The following NRXN1 variants were observed in gnomAD, a reference collection of about 807,000 sequenced individuals.
The protein encoded by NRXN1 is neurexin 1.
NRXN1 carries 39 observed loss-of-function variants against 150.9 expected under a neutral mutation model. The observed-to-expected ratio is 0.26, with a 90% CI of 0.20 to 0.34. NRXN1 has a LOEUF of 0.34. Ranked by LOEUF, NRXN1 falls within the 10% of genes least tolerant of loss-of-function variation. NRXN1 has a pLI of 1.00. For synonymous variants in NRXN1, 924 were observed against 757.0 expected, an observed-to-expected ratio of 1.22 and a Z score of -3.62; for missense variants, 1,815 against 1,949.9, an observed-to-expected ratio of 0.93 and a Z score of 1.30.
Position 50,591,381 on chromosome 2 carries a change from CAGATAGATAGATAGATAGAT to C in NRXN1, c.1320+28621_1320+28640del, listed in dbSNP as rs59774040. On this transcript the variant is annotated intron_variant, in intron 8 of 22. Transcript: ENST00000401669. Reference sequence around the variant, plus strand: ...GAAAATTCTACCATACACTATATATCAGATAGATAGATAGATAGATAGATAGATAGATAGATAGATAGATA... The same window carrying C: ...GAAAATTCTACCATACACTATATATCAGATAGATAGATAGATAGATAGATA... 4.2e-4 allele frequency among the ~76,000 whole-genome samples: 56 copies of C among 134,826 alleles called. No individual in the cohort carries two copies. The South Asian group carries it at 5.6e-3, about 14-fold the overall frequency. 88.5% of individuals were successfully genotyped at this position (134,826 alleles called of 152,430 possible). A position where few individuals can be genotyped will look rare whatever the true frequency, so the allele number is the denominator to read the frequency against.
At chr2:50,142,605 T>TA (rs1268600585) in intron 18 of NRXN1, among the ~76,000 whole-genome samples, 1 of 151,728 alleles carries the variant, frequency 6.6e-6, no homozygotes, top group African/African-American at 2.4e-5. Context: ...GTATATCAAT[T>TA]AAAAAAATCA....
chr2:50,090,595 T>C (rs977155330), intron 19 of NRXN1, among the ~76,000 whole-genome samples: 27 of 152,272 alleles, frequency 1.8e-4, no homozygotes, highest in African/African-American at 6.0e-4. Context: ...ACAAGTAACA[T>C]TGTTTAAAAT....
intron 17 of NRXN1, among the ~76,000 whole-genome samples, chr2:50,284,422 A>G (rs1011768414): frequency 1.3e-5 from 2 of 152,168 alleles, no homozygotes; most frequent in African/African-American, 4.8e-5. Flanking sequence ...ATTATGTGAC[A>G]TCACAGCATC....
At chr2:50,039,486 G>C (rs1690595623) in intron 21 of NRXN1, among the ~76,000 whole-genome samples, 1 of 152,100 alleles carries the variant, frequency 6.6e-6, no homozygotes, top group African/African-American at 2.4e-5. Flanking sequence ...AAATAAATAA[G>C]CAAAGAAACT....
intron 17 of NRXN1, among the ~76,000 whole-genome samples, chr2:50,251,477 G>C (rs1441334980): frequency 6.6e-6 from 1 of 152,036 alleles, no homozygotes; most frequent in African/African-American, 2.4e-5. Flanking sequence ...TGTGAATAGT[G>C]CTGCAATTAA....
intron 5 of NRXN1, among the ~76,000 whole-genome samples, chr2:50,719,472 C>T (rs754430897): frequency 2.6e-5 from 4 of 152,042 alleles, no homozygotes; most frequent in Admixed American, 1.3e-4. Context: ...GTCAGGAGTT[C>T]GAGACCAGCC....
intron 17 of NRXN1, among the ~76,000 whole-genome samples, chr2:50,373,685 AAGAAGGAAAGAAAGAAAGAAAGAAAG>A (rs2080262830): frequency 2.6e-5 from 3 of 117,130 alleles, no homozygotes; most frequent in East Asian, 3.2e-4. Context: ...AAAGAAAAGA[AAGAAGGAAAGAAAGAAAGAAAGAAAG>A]AGAAAGAAAG....
Position 50,442,821 on chromosome 2 carries a change from G to A in NRXN1, c.3364+22621C>T, listed in dbSNP as rs1007449367. Reference sequence around the variant, plus strand: ...AGCAGAGTTGGTGGACACCTTGGAAGAAGTCACAGAGGAAGGAGGACAACC... The same window carrying A: ...AGCAGAGTTGGTGGACACCTTGGAAAAAGTCACAGAGGAAGGAGGACAACC... On this transcript the variant is annotated intron_variant, in intron 17 of 22. Coordinates refer to ENST00000401669, the MANE Select transcript of NRXN1 (RefSeq NM_001330078.2). Among the ~76,000 whole-genome samples, 5 of 152,164 alleles carry A rather than the reference G, an allele frequency of 3.3e-5. No individual in the cohort carries two copies. In the South Asian group the frequency reaches 1.0e-3, roughly 32 times the overall value.
At chr2:50,838,797 G>A (rs1307504676) in intron 5 of NRXN1, among the ~76,000 whole-genome samples, 1 of 152,098 alleles carries the variant, frequency 6.6e-6, no homozygotes, top group Non-Finnish European at 1.5e-5. Flanking sequence ...GCACTGCCCT[G>A]TCAGTACCAT....
chr2:50,800,016 A>G (rs1707371316), intron 5 of NRXN1, among the ~76,000 whole-genome samples: 1 of 152,204 alleles, frequency 6.6e-6, no homozygotes, highest in Non-Finnish European at 1.5e-5. Flanking sequence ...GAAATAAATG[A>G]GAGAAATGGT....
intron 2 of NRXN1, among the ~76,000 whole-genome samples, chr2:50,951,184 C>T (rs1485357510): frequency 6.6e-6 from 1 of 152,040 alleles, no homozygotes; most frequent in African/African-American, 2.4e-5. Flanking sequence ...GCCTTGGGGG[C>T]AACCTGAGGG....
chr2:50,226,658 T>G (rs573957630), intron 18 of NRXN1, among the ~76,000 whole-genome samples: 11 of 152,040 alleles, frequency 7.2e-5, no homozygotes, highest in South Asian at 4.2e-4. Context: ...GCTAAGGAAG[T>G]TGGCCTTTGA....
chr2:50,777,298 G>A (rs1703781424), intron 5 of NRXN1, among the ~76,000 whole-genome samples: 2 of 152,108 alleles, frequency 1.3e-5, no homozygotes, highest in Admixed American at 1.3e-4. Context: ...GTGGGTTGAA[G>A]AAAATCAAGT....
chr2:50,287,840 A>G (rs2072388306), intron 17 of NRXN1, among the ~76,000 whole-genome samples: 1 of 152,174 alleles, frequency 6.6e-6, no homozygotes, highest in African/African-American at 2.4e-5. Context: ...AATATTACTT[A>G]GTATGTATTA....
At chr2:50,511,580 A>G (rs1029884167) in intron 12 of NRXN1, among the ~76,000 whole-genome samples, 2 of 152,194 alleles carry the variant, frequency 1.3e-5, no homozygotes, top group African/African-American at 4.8e-5. Context: ...AGATGGAAGT[A>G]GAAGCAGTAA....
chr2:49,982,475 T>A (rs912644861), intron 21 of NRXN1, among the ~76,000 whole-genome samples: 1 of 113,754 alleles, frequency 8.8e-6, no homozygotes, highest in African/African-American at 2.8e-5. Context: ...GTAAATCTAC[T>A]TAAAAAAAAC....
chr2:49,962,649 G>A (rs969328754), intron 21 of NRXN1, among the ~76,000 whole-genome samples: 6 of 152,090 alleles, frequency 3.9e-5, no homozygotes, highest in African/African-American at 9.7e-5. Context: ...CTGTGGTAAC[G>A]GTAGAGGGTA....
chr2:50,517,898 T>C (rs1403143397), intron 12 of NRXN1, among the ~76,000 whole-genome samples: 1 of 152,156 alleles, frequency 6.6e-6, no homozygotes, highest in Non-Finnish European at 1.5e-5. Context: ...TTCTATTATC[T>C]ACAAAATAAA....
At chr2:49,993,212 G>A (rs1028859618) in intron 21 of NRXN1, among the ~76,000 whole-genome samples, 1 of 151,912 alleles carries the variant, frequency 6.6e-6, no homozygotes, top group East Asian at 1.9e-4. Flanking sequence ...CCCAGATAAT[G>A]GAATATTAAT....
Sources: allele counts gnomAD v4.1 joint callset (sites outside exome capture counted in the v4.1 genomes callset), GRCh38; gene constraint gnomAD v4.1.1; transcripts MANE v1.5; gene names NCBI Gene and HGNC (gene_info 2026-07-23, HGNC 2026-07-21).